Variants in CPA5 observed in about 807,000 individuals in gnomAD.
CPA5 encodes carboxypeptidase A5, also known as testicular tissue protein Li 32.
A neutral mutation model predicts 52.2 loss-of-function variants in CPA5; 38 were observed. The observed-to-expected ratio is 0.73, with a 90% confidence interval of 0.56 to 0.95. The LOEUF is 0.95. Among genes scored for constraint, CPA5 ranks in the 40% least tolerant of loss-of-function variants. The probability of loss-of-function intolerance (pLI) is 0.00; values close to 1 mark genes in which losing one functional copy is unlikely to be tolerated. For missense variants in CPA5, 519 were observed against 566.7 expected (o/e 0.92, Z 0.86); for synonymous variants, 198 against 213.7 (o/e 0.93, Z 0.64).
At chr7:130,373,997 C>T in the CPA5 span, among the ~76,000 whole-genome samples, 3 of 150,050 alleles carry the variant, frequency 2.0e-5, no homozygotes, top group Non-Finnish European at 3.0e-5. Context: ...GCCCCCACCC[C>T]GCCGCCCATT....
At position 130,368,464 on chromosome 7, in the gene CPA5, C is replaced by A. The variant is rs782642301; in HGVS notation, c.1178C>A (p.Ala393Asp). ...DWAYDSGIKY[A>D]FSFELRDTGQ... ...GCCTATGACAGTGGCATCAAGTACG[C>A]CTTCAGCTTTGAGCTCCGGGACACT... Residue 393 changes from alanine to aspartate, a missense_variant, in exon 13 of 13, where the codon GCC becomes GAC. Ala to Asp is a moderately radical substitution (Grantham distance 126). Coordinates refer to ENST00000474905, the MANE Select transcript of CPA5 (RefSeq NM_080385.5). The A allele has an allele frequency of 1.2e-5, 19 of 1,614,032 alleles. No homozygotes were observed. Among genetic ancestry groups the A allele is most frequent in the Admixed American group, 3.3e-5 (2 of 59,994 alleles).
At chr7:130,354,886 T>C (rs1554404844) in intron 5 of CPA5, among the ~76,000 whole-genome samples, 1 of 152,056 alleles carries the variant, frequency 6.6e-6, no homozygotes, top group African/African-American at 2.4e-5. Context: ...TGCACCACCA[T>C]GCCTGGCTTG....
At chr7:130,347,021 T>C (rs533708218) in intron 3 of CPA5, among the ~76,000 whole-genome samples, 1 of 152,254 alleles carries the variant, frequency 6.6e-6, no homozygotes, top group Non-Finnish European at 1.5e-5. Flanking sequence ...GAAGTTCTAG[T>C]ATTACACGCC....
At chr7:130,353,366 C>T (rs1377437698) in intron 5 of CPA5, among the ~76,000 whole-genome samples, 1 of 152,196 alleles carries the variant, frequency 6.6e-6, no homozygotes, top group Non-Finnish European at 1.5e-5. Flanking sequence ...TGGTCACTCT[C>T]TCCTTCCTGG....
downstream of CPA5, among the ~76,000 whole-genome samples, chr7:130,370,299 A>C (rs929875265): frequency 6.6e-6 from 1 of 152,034 alleles, no homozygotes; most frequent in African/African-American, 2.4e-5. Flanking sequence ...AGGAGGAGAA[A>C]ATCTTGACTT....
At chr7:130,362,766 G>A (rs972447329) in intron 8 of CPA5, 118 bp from the exon 9 acceptor site, 9 of 677,992 alleles carry the variant, frequency 1.3e-5, no homozygotes, top group Non-Finnish European at 2.3e-5. Flanking sequence ...CTGCATAAAA[G>A]ATATACCTCA....
At chr7:130,350,822 G>A (rs1795091233) in intron 5 of CPA5, among the ~76,000 whole-genome samples, 1 of 152,202 alleles carries the variant, frequency 6.6e-6, no homozygotes, top group South Asian at 2.1e-4. Flanking sequence ...ATATCCTAAA[G>A]AGCCCCTGAA....
intron 10 of CPA5, among the ~76,000 whole-genome samples, 194 bp from the exon 11 acceptor site, chr7:130,367,178 T>A (rs1554408613): frequency 6.6e-6 from 1 of 152,154 alleles, no homozygotes; most frequent in African/African-American, 2.4e-5. Flanking sequence ...GAAGTCACAC[T>A]TGCTCTTAAC....
intron 5 of CPA5, among the ~76,000 whole-genome samples, chr7:130,356,459 G>T (rs1489229162): frequency 6.6e-6 from 1 of 152,212 alleles, no homozygotes; most frequent in Non-Finnish European, 1.5e-5. Flanking sequence ...CCTGTGGCCT[G>T]ACCGCATTCT....
rs180976386 is a variant in CPA5 at position 130,346,372 on chromosome 7, C to T, written c.-93-21C>T. 9.9e-6 allele frequency: 7 copies of T among 707,572 alleles called. No homozygotes were observed. The African/African-American group carries it at 1.1e-4, about 11-fold the overall frequency. The allele number at this position is 707,572 out of a possible 1,614,324, so 43.8% of individuals were successfully genotyped here. A position where few individuals can be genotyped will look rare whatever the true frequency, so the allele number is the denominator to read the frequency against. On this transcript the variant is annotated intron_variant, in intron 2 of 12. Transcript: ENST00000474905. ...GGAGCCACATGCTGGGTGCCCCAGA[C>T]AGCCTAATGCTCTTTCTCAGGCTGG...
chr7:130,362,993 T>C lies in CPA5; in HGVS notation c.746T>C (p.Met249Thr), dbSNP rs781836533. 2.5e-6 allele frequency: 4 copies of C among 1,585,044 alleles called. No homozygotes were observed. Among genetic ancestry groups the C allele is most frequent in the African/African-American group, 2.7e-5 (2 of 74,304 alleles). The change falls in exon 9 of 13, where the codon ATG becomes ACG. Residue 249 changes from methionine (M) to threonine (T), a missense_variant and splice_region_variant. Physicochemically the swap from Met to Thr is moderately conservative, Grantham distance 81 (BLOSUM62 -1). Coordinates refer to ENST00000474905, the MANE Select transcript of CPA5 (RefSeq NM_080385.5). ...GATGGGTTTGCTTTTACCCACAGCA[T>C]GGTGAGGGAACCTGGGAAGGATGGA... ...NPDGFAFTHS[M>T]NRLWRKNKSI...
intron 3 of CPA5, among the ~76,000 whole-genome samples, chr7:130,346,926 C>T (rs1204228496): frequency 2.0e-5 from 3 of 152,124 alleles, no homozygotes; most frequent in East Asian, 3.8e-4. Context: ...AGCTTTCCTC[C>T]GATTCTCAGA....
chr7:130,359,697 G>T lies in CPA5; in HGVS notation c.432+10G>T. On this transcript the variant is annotated intron_variant, in intron 6 of 12. Transcript: ENST00000474905. ...CCACACCCTGGAGGAGGTAGGTCTGGCCGGGCAAGCTCTGGGCTCTCTTGT... is the reference window on the plus strand; with the variant it reads ...CCACACCCTGGAGGAGGTAGGTCTGTCCGGGCAAGCTCTGGGCTCTCTTGT... The T allele has an allele frequency of 6.4e-7, 1 of 1,565,354 alleles. No individual in the cohort carries two copies. Among genetic ancestry groups the T allele is most frequent in the Non-Finnish European group, 8.7e-7 (1 of 1,152,010 alleles).
In CPA5 at chr7:130,367,532, C is replaced by G; in HGVS notation, c.999C>G (p.Tyr333Ter). The part of the protein sequence containing the change: ...HSYSQMLMYP[Y>*]GRLLEPVSNQ... ...ACTCTCAGATGCTTATGTACCCTTA[C>G]GGCCGATTGCTGGAGCCCGTTTCAA... Residue 333 changes from tyrosine (Y) to a stop codon, truncating the protein, a stop_gained, in exon 11 of 13, where the codon TAC becomes TAG. Transcript: ENST00000474905. LOFTEE classifies it high-confidence loss of function. 1 of 1,614,116 alleles carries G rather than the reference C, an allele frequency of 6.2e-7. No individual in the cohort carries two copies. Among genetic ancestry groups the G allele is most frequent in the Non-Finnish European group, 8.5e-7 (1 of 1,180,014 alleles).
chr7:130,352,502 G>A (rs1453121212), intron 5 of CPA5, among the ~76,000 whole-genome samples: 4 of 152,006 alleles, frequency 2.6e-5, no homozygotes, highest in Admixed American at 2.0e-4. Context: ...CTGAAGAGCA[G>A]GTGAGGGGGG....
intron 5 of CPA5, 62 bp downstream of exon 5, chr7:130,350,171 T>C: frequency 6.5e-7 from 1 of 1,545,610 alleles, no homozygotes; most frequent in Non-Finnish European, 8.7e-7. Context: ...GGGCCCAACA[T>C]GGAGGAGATG....
At chr7:130,357,603 A>G (rs1262413700) in intron 5 of CPA5, among the ~76,000 whole-genome samples, 1 of 151,504 alleles carries the variant, frequency 6.6e-6, no homozygotes, top group Admixed American at 6.6e-5. Flanking sequence ...AGCCTGGCCA[A>G]GAAGAGAGAA....
chr7:130,370,411 C>T (rs1438104830), downstream of CPA5, among the ~76,000 whole-genome samples: 4 of 151,934 alleles, frequency 2.6e-5, no homozygotes, highest in South Asian at 2.1e-4. Context: ...AGTGGAAATT[C>T]GAGGTCATGG....
At chr7:130,374,137 T>A in the CPA5 span, among the ~76,000 whole-genome samples, 1 of 152,164 alleles carries the variant, frequency 6.6e-6, no homozygotes, top group Admixed American at 6.5e-5. Context: ...GCAGGTCCAC[T>A]TCCTGGGCTG....
Sources: allele counts gnomAD v4.1 joint callset (sites outside exome capture counted in the v4.1 genomes callset), GRCh38; gene constraint gnomAD v4.1.1; transcripts MANE v1.5; gene names NCBI Gene and HGNC (gene_info 2026-07-23, HGNC 2026-07-21).